PCDH15: variants seen among roughly 807,000 people sequenced by gnomAD.
PCDH15 encodes the protein protocadherin-15.
In PCDH15, 129 loss-of-function variants were observed where a neutral mutation model predicts 178.5. The ratio of observed to expected loss-of-function variants is 0.72; its 90% CI spans 0.63 to 0.84. The LOEUF is 0.84. PCDH15 is among the 40% of genes least tolerant of loss of function. The pLI is 0.00. For synonymous variants in PCDH15, 800 were observed against 732.0 expected (o/e 1.09, Z -1.50); for missense variants, 2,230 against 2,099.9 (o/e 1.06, Z -1.21).
intron 2 of PCDH15, among the ~76,000 whole-genome samples, chr10:54,955,299 T>G (rs1838455781): frequency 6.6e-6 from 1 of 151,366 alleles, no homozygotes; most frequent in South Asian, 2.1e-4. Context: ...TCTTTTGTTT[T>G]TCTTTTTACC....
chr10:54,093,226 G>A (rs988688940), intron 15 of PCDH15, among the ~76,000 whole-genome samples: 7 of 152,000 alleles, frequency 4.6e-5, no homozygotes, highest in African/African-American at 1.7e-4. Context: ...TCTTATGTGA[G>A]GTTATGCCCA....
At chr10:54,222,369 T>G (rs1188484975) in intron 9 of PCDH15, among the ~76,000 whole-genome samples, 1 of 152,228 alleles carries the variant, frequency 6.6e-6, no homozygotes, top group Non-Finnish European at 1.5e-5. Flanking sequence ...TAGCAATGAC[T>G]GATTTGTTCA....
intron 2 of PCDH15, among the ~76,000 whole-genome samples, chr10:55,123,368 T>A (rs557311085): frequency 6.6e-6 from 1 of 152,242 alleles, no homozygotes. Flanking sequence ...CCTTCTCTAA[T>A]ATAAAAACAA....
chr10:55,511,599 T>G, intron 2 of PCDH15, among the ~76,000 whole-genome samples: 1 of 152,020 alleles, frequency 6.6e-6, no homozygotes, highest in Non-Finnish European at 1.5e-5. Context: ...TTTTACTAGG[T>G]TTGTTGAAGA....
At chr10:53,903,771 G>A (rs975143920) in intron 25 of PCDH15, among the ~76,000 whole-genome samples, 2 of 152,128 alleles carry the variant, frequency 1.3e-5, no homozygotes, top group East Asian at 3.9e-4. Flanking sequence ...ACTATTATAT[G>A]AATATATATT....
chr10:54,296,144 C>CAAAAAAAAAAAAAAAAA (rs59721161), intron 8 of PCDH15, among the ~76,000 whole-genome samples: 21 of 48,220 alleles, frequency 4.4e-4, no homozygotes, highest in African/African-American at 1.1e-3. Flanking sequence ...GACTCCGTCT[C>CAAAAAAAAAAAAAAAAA]AAAAAAAAAA....
At chr10:55,334,787 T>G (rs1027189139) in intron 2 of PCDH15, among the ~76,000 whole-genome samples, 3 of 152,192 alleles carry the variant, frequency 2.0e-5, no homozygotes, top group African/African-American at 7.2e-5. Context: ...TATTTTGGTA[T>G]GAAGACATTT....
intron 1 of PCDH15, among the ~76,000 whole-genome samples, chr10:55,208,133 G>A (rs908217203): frequency 1.3e-5 from 2 of 152,060 alleles, no homozygotes; most frequent in Non-Finnish European, 2.9e-5. Flanking sequence ...TGATTATATA[G>A]AGTAGATACT....
intron 8 of PCDH15, among the ~76,000 whole-genome samples, chr10:54,270,814 G>A (rs1459282141): frequency 6.6e-6 from 1 of 152,058 alleles, no homozygotes; most frequent in African/African-American, 2.4e-5. Context: ...AGATACTTGG[G>A]CTATAACGTT....
At chr10:54,876,468 G>T (rs1007531772) in intron 3 of PCDH15, among the ~76,000 whole-genome samples, 1 of 152,008 alleles carries the variant, frequency 6.6e-6, no homozygotes, top group Non-Finnish European at 1.5e-5. Context: ...CAAGGAATCC[G>T]GGCAAAGTAC....
chr10:54,153,157 C>T lies in PCDH15; in HGVS notation c.1727G>A (p.Gly576Glu), dbSNP rs756826648. The change falls in exon 14 of 38, where the codon GGG (glycine) becomes GAG (glutamate). Residue 576 changes from glycine to glutamate, a missense_variant. Transcript: ENST00000644397. ...TIAPGVEMIV[G>E]RTYALTVQAA... is the part of the protein sequence containing the mutation. ...TTGGACCGTGAGTGCGTAAGTCCGC[C>T]CGACTATCATTTCCACCCCTGGAGC... 6.2e-7 allele frequency: 1 copy of T among 1,613,844 alleles called. No individual in the cohort carries two copies. The highest frequency in any genetic ancestry group is 1.1e-5 in the South Asian group (1 of 91,082).
intron 3 of PCDH15, among the ~76,000 whole-genome samples, chr10:54,521,132 C>A (rs1487190863): frequency 1.3e-5 from 2 of 151,552 alleles, no homozygotes; most frequent in African/African-American, 2.4e-5. Flanking sequence ...TTAATGGGTG[C>A]AGTACACCAA....
intron 8 of PCDH15, among the ~76,000 whole-genome samples, chr10:54,257,546 C>A (rs1054892509): frequency 2.2e-4 from 34 of 151,886 alleles, no homozygotes; most frequent in African/African-American, 8.0e-4. Context: ...AATTGCTACT[C>A]TTCATTGAGA....
rs966371282 is a variant in PCDH15, at chr10:54,640,774, C to G, written c.91+23398G>C. Among the ~76,000 whole-genome samples the G allele has an allele frequency of 2.6e-5, 4 of 151,970 alleles. 1 individual carries two copies. The highest frequency in any genetic ancestry group is 2.6e-4 in the Admixed American group (4 of 15,238). ...AAAAAATGCCAGTTGTGCACTTCTT[C>G]ACGATGCCTTTTTAAGAGTCTTAGT... On this transcript the variant is annotated intron_variant, in intron 2 of 37. Transcript: ENST00000644397.
intron 20 of PCDH15, among the ~76,000 whole-genome samples, chr10:54,005,112 T>C (rs1041015141): frequency 1.3e-5 from 2 of 152,080 alleles, no homozygotes; most frequent in African/African-American, 2.4e-5. Context: ...GATATCCATA[T>C]GCAAAAGAAG....
At chr10:55,073,834 G>A (rs894285902) in intron 2 of PCDH15, among the ~76,000 whole-genome samples, 5 of 151,862 alleles carry the variant, frequency 3.3e-5, no homozygotes, top group Non-Finnish European at 5.9e-5. Flanking sequence ...CTTCTTTTAA[G>A]TACTACTTTT....
chr10:54,876,749 A>G (rs561742218), intron 3 of PCDH15, among the ~76,000 whole-genome samples: 1 of 152,324 alleles, frequency 6.6e-6, no homozygotes, highest in African/African-American at 2.4e-5. Context: ...GTTGCTTCTA[A>G]TGGATGAACA....
At chr10:53,926,125 G>T (rs766237720) in intron 25 of PCDH15, among the ~76,000 whole-genome samples, 2 of 152,042 alleles carry the variant, frequency 1.3e-5, no homozygotes, top group African/African-American at 4.8e-5. Context: ...TTTTGCAGTT[G>T]TCCTATATTT....
At chr10:54,710,463 C>T (rs1449367913) in intron 1 of PCDH15, among the ~76,000 whole-genome samples, 1 of 151,982 alleles carries the variant, frequency 6.6e-6, no homozygotes, top group Non-Finnish European at 1.5e-5. Flanking sequence ...ATGTTGCCCA[C>T]CACACAGTTT....
Sources: allele counts gnomAD v4.1 joint callset (sites outside exome capture counted in the v4.1 genomes callset), GRCh38; gene constraint gnomAD v4.1.1; transcripts MANE v1.5; gene names NCBI Gene and HGNC (gene_info 2026-07-23, HGNC 2026-07-21).